NGDN: variants seen among roughly 807,000 people sequenced by gnomAD.
NGDN encodes neuroguidin.
Under a neutral mutation model 45.2 loss-of-function variants are expected in NGDN, and 41 were observed. That is an observed-to-expected ratio of 0.91 (90% CI 0.71 to 1.18). The LOEUF (loss-of-function observed/expected upper bound fraction) is 1.18. NGDN is among the 50% of genes most tolerant of loss of function. The probability of loss-of-function intolerance (pLI) is 0.00; values close to 1 mark genes in which losing one functional copy is unlikely to be tolerated. For synonymous variants in NGDN, 137 were observed against 130.9 expected, an observed-to-expected ratio of 1.05 and a Z score of -0.32; for missense variants, 402 against 399.9, an observed-to-expected ratio of 1.01 and a Z score of -0.05.
intron 6 of NGDN, 21 bp downstream of exon 6, chr14:23,475,799 C>T (rs755159193): frequency 5.0e-6 from 8 of 1,609,014 alleles, no homozygotes; most frequent in East Asian, 4.5e-5. Context: ...GTAGTATTCT[C>T]CTGATTTTTT....
intron 1 of NGDN, 142 bp downstream of exon 1, chr14:23,469,869 C>T: frequency 7.8e-7 from 1 of 1,281,504 alleles, no homozygotes; most frequent in Non-Finnish European, 1.1e-6. Context: ...AGTTACCGTT[C>T]CTGTCCGGTA....
rs1250513978 is a variant in NGDN, at chr14:23,477,988, T to C, written c.929-19T>C. The C allele has an allele frequency of 2.5e-6, 4 of 1,614,220 alleles. No individual in the cohort carries two copies. The South Asian group carries it at 3.3e-5, about 13-fold the overall frequency. On this transcript the variant is annotated intron_variant, in intron 10 of 10. Coordinates refer to ENST00000408901, the MANE Select transcript of NGDN (RefSeq NM_001042635.2). ...TTCCAACTGTCCTTTGCCTCATTCT[T>C]GGTTTCCCTTCCTTTCAGGTTTTCG...
intron 2 of NGDN, 140 bp downstream of exon 2, chr14:23,470,241 C>T (rs899661336): frequency 4.3e-5 from 28 of 654,828 alleles, no homozygotes; most frequent in Non-Finnish European, 6.4e-5. Context: ...AACCTTTTCA[C>T]GCCAGAATTC....
intron 8 of NGDN, among the ~76,000 whole-genome samples, chr14:23,476,915 A>T (rs1279742801): frequency 6.6e-6 from 1 of 152,232 alleles, no homozygotes; most frequent in Non-Finnish European, 1.5e-5. Context: ...AAACCTGCTT[A>T]TAGAGCTGAA....
At chr14:23,475,853 T>G in intron 6 of NGDN, 75 bp downstream of exon 6, 1 of 1,492,612 alleles carries the variant, frequency 6.7e-7, no homozygotes, top group Non-Finnish European at 9.2e-7. Context: ...TGATCCTGGA[T>G]ACCCTGGGAT....
At chr14:23,475,701 A>G in intron 5 of NGDN, 25 bp from the exon 6 acceptor site, 1 of 1,614,060 alleles carries the variant, frequency 6.2e-7, no homozygotes, top group Non-Finnish European at 8.5e-7. Flanking sequence ...AAATTTTGTA[A>G]AATTCATTGG....
At chr14:23,477,401 T>C (rs1036719178) in intron 9 of NGDN, 45 bp downstream of exon 9, 1 of 1,612,786 alleles carries the variant, frequency 6.2e-7, no homozygotes, top group Non-Finnish European at 8.5e-7. Flanking sequence ...TTTCATGCTT[T>C]CAGCAAAATG....
At chr14:23,476,685 A>G (rs369528188) in intron 8 of NGDN, among the ~76,000 whole-genome samples, 1 of 152,230 alleles carries the variant, frequency 6.6e-6, no homozygotes, top group African/African-American at 2.4e-5. Context: ...GAATGTATGC[A>G]GTTCCACATA....
At position 23,477,515 on chromosome 14, in the gene NGDN, A is replaced by G. The variant is rs867240280; in HGVS notation, c.883A>G (p.Ile295Val). ...CATCTGTCTCCAGGATCAGAATCCTATTAAGAAGCGGAAGAAGATACCTCA... is the reference window on the plus strand; with the variant it reads ...CATCTGTCTCCAGGATCAGAATCCTGTTAAGAAGCGGAAGAAGATACCTCA... ...TVHLDEDQNP[I>V]KKRKKIPQKG... The change falls in exon 10 of 11, where the codon ATT becomes GTT. Residue 295 changes from isoleucine (I) to valine (V), a missense_variant. Physicochemically the swap from Ile to Val is conservative, Grantham distance 29. Coordinates refer to ENST00000408901, the MANE Select transcript of NGDN (RefSeq NM_001042635.2). 6.2e-7 allele frequency: 1 copy of G among 1,614,198 alleles called. No individual in the cohort carries two copies.
chr14:23,475,451 A>G (rs942551761), intron 4 of NGDN, 107 bp from the exon 5 acceptor site: 6 of 1,368,924 alleles, frequency 4.4e-6, no homozygotes, highest in Non-Finnish European at 6.2e-6. Context: ...CATTTGCTCT[A>G]CTTTGTACAT....
At chr14:23,474,756 G>A (rs895025574) in intron 3 of NGDN, among the ~76,000 whole-genome samples, 6 of 152,334 alleles carry the variant, frequency 3.9e-5, no homozygotes, top group African/African-American at 1.2e-4. Context: ...TTGGCAGTCT[G>A]TGGAGACATT....
At chr14:23,474,127 TCA>T (rs2138723387) in intron 3 of NGDN, among the ~76,000 whole-genome samples, 1 of 151,830 alleles carries the variant, frequency 6.6e-6, no homozygotes, top group Non-Finnish European at 1.5e-5. Context: ...GAACTTAAAC[TCA>T]GTTTGTGGAC....
intron 3 of NGDN, 94 bp from the exon 4 acceptor site, chr14:23,475,077 T>C: frequency 7.4e-7 from 1 of 1,354,618 alleles, no homozygotes; most frequent in East Asian, 2.4e-5. Flanking sequence ...TGGGAAAATC[T>C]TGAACTTGGA....
At chr14:23,474,712 A>G (rs1047932650) in intron 3 of NGDN, among the ~76,000 whole-genome samples, 1 of 152,230 alleles carries the variant, frequency 6.6e-6, no homozygotes, top group Admixed American at 6.5e-5. Flanking sequence ...ATGGGGGGAA[A>G]TTGGTAATTA....
At chr14:23,470,196 C>T in intron 2 of NGDN, 95 bp downstream of exon 2, 1 of 1,042,906 alleles carries the variant, frequency 9.6e-7, no homozygotes, top group Non-Finnish European at 1.5e-6. Context: ...TACGTGAATG[C>T]TTCCAAAAAC....
intron 2 of NGDN, among the ~76,000 whole-genome samples, chr14:23,470,688 A>T (rs1334319014): frequency 6.6e-6 from 1 of 151,644 alleles, no homozygotes; most frequent in Non-Finnish European, 1.5e-5. Flanking sequence ...TGGTTCAGTA[A>T]AAGATGGTCT....
intron 10 of NGDN, 70 bp from the exon 11 acceptor site, chr14:23,477,937 G>A (rs1272779433): frequency 1.9e-6 from 3 of 1,613,888 alleles, no homozygotes; most frequent in Non-Finnish European, 2.5e-6. Flanking sequence ...CCCTCTAGAT[G>A]TCCTGTTTTC....
Position 23,471,196 on chromosome 14 carries a change from GAGAGGGATTAATT to G in NGDN, c.144+221_144+233del, listed in dbSNP as rs1374707018. ...ACAGAGTTATGAGTCTCCAGCCAAA[GAGAGGGATTAATT>G]AACTGCCAGAAGAGCAGAGGGATTC... On this transcript the variant is annotated intron_variant, in intron 3 of 10. Coordinates refer to ENST00000408901, the MANE Select transcript of NGDN (RefSeq NM_001042635.2). 22 of 386,712 alleles carry G rather than the reference GAGAGGGATTAATT, an allele frequency of 5.7e-5. No homozygotes were observed. In the Admixed American group the frequency reaches 1.0e-3, roughly 17 times the overall value. The allele number at this position is 386,712 out of a possible 1,614,324, so 24.0% of individuals were successfully genotyped here.
At chr14:23,473,541 G>A (rs1293073204) in intron 3 of NGDN, among the ~76,000 whole-genome samples, 3 of 151,974 alleles carry the variant, frequency 2.0e-5, no homozygotes, top group African/African-American at 7.3e-5. Context: ...ATAAGACTGA[G>A]GTTGGCCTGG....
Sources: allele counts gnomAD v4.1 joint callset (sites outside exome capture counted in the v4.1 genomes callset), GRCh38; gene constraint gnomAD v4.1.1; transcripts MANE v1.5; gene names NCBI Gene and HGNC (gene_info 2026-07-23, HGNC 2026-07-21).